Variants in ZPBP observed in about 807,000 individuals in gnomAD.
The protein encoded by ZPBP is zona pellucida binding protein, also known as zona pellucida-binding protein 1.
A neutral mutation model predicts 44.8 loss-of-function variants in ZPBP; 26 were observed. The observed-to-expected ratio is 0.58, with a 90% CI of 0.43 to 0.81. The LOEUF is 0.81. ZPBP is among the 30% of genes least tolerant of loss of function. The pLI, the probability that ZPBP is intolerant of heterozygous loss-of-function variation, is 0.00. For synonymous variants in ZPBP, 174 were observed against 153.2 expected, an observed-to-expected ratio of 1.14 and a Z score of -1.00; for missense variants, 409 against 434.0, an observed-to-expected ratio of 0.94 and a Z score of 0.51.
intron 7 of ZPBP, among the ~76,000 whole-genome samples, chr7:49,959,590 C>T (rs1795762736): frequency 6.6e-6 from 1 of 151,712 alleles, no homozygotes; most frequent in African/African-American, 2.4e-5. Context: ...ACAAAACATC[C>T]CAAAAACAAA....
chr7:49,845,521 TGA>T (rs2128714679), downstream of ZPBP, among the ~76,000 whole-genome samples: 1 of 152,238 alleles, frequency 6.6e-6, no homozygotes, highest in South Asian at 2.1e-4. Flanking sequence ...GGAATATATC[TGA>T]GAGAGAGAGG....
chr7:49,860,951 A>G (rs1005855772), intron 2 of ZPBP, among the ~76,000 whole-genome samples: 43 of 152,332 alleles, frequency 2.8e-4, no homozygotes, highest in African/African-American at 1.0e-3. Context: ...TGCCTTTAGA[A>G]CCATGAGAAA....
At chr7:49,942,201 C>CT (rs1481378093) in intron 7 of ZPBP, 79 of 90,104 alleles carry the variant, frequency 8.8e-4, no homozygotes, top group African/African-American at 2.4e-3. Flanking sequence ...ACAATGATTT[C>CT]TCTTTTTTTG....
intron 3 of ZPBP, among the ~76,000 whole-genome samples, chr7:50,063,197 T>C (rs1801334195): frequency 6.6e-6 from 1 of 152,236 alleles, no homozygotes; most frequent in African/African-American, 2.4e-5. Flanking sequence ...TAAGGCTCAC[T>C]AGCCACAGAA....
chr7:49,963,628 G>C (rs1484549425), intron 7 of ZPBP, among the ~76,000 whole-genome samples: 1 of 151,726 alleles, frequency 6.6e-6, no homozygotes, highest in Non-Finnish European at 1.5e-5. Context: ...TTAAATGTTA[G>C]TTTTGATACT....
At chr7:49,951,255 T>C (rs1262989257) in intron 7 of ZPBP, among the ~76,000 whole-genome samples, 2 of 151,670 alleles carry the variant, frequency 1.3e-5, no homozygotes, top group Non-Finnish European at 3.0e-5. Flanking sequence ...ATGGACAATA[T>C]TATGGATGTG....
intron 3 of ZPBP, among the ~76,000 whole-genome samples, chr7:50,080,650 ATGTTTC>A (rs1802310708): frequency 1.3e-5 from 2 of 151,002 alleles, no homozygotes; most frequent in African/African-American, 4.9e-5. Flanking sequence ...TTTAAAACAC[ATGTTTC>A]TATTACATTA....
intron 2 of ZPBP, among the ~76,000 whole-genome samples, chr7:49,863,941 GTTGTTTTAAAATATTTTTTCTTTATT>G (rs1271183352): frequency 3.3e-5 from 5 of 152,024 alleles, no homozygotes; most frequent in Non-Finnish European, 7.4e-5. Flanking sequence ...GTTTTCGTAT[GTTGTTTTAAAATATTTTTTCTTTATT>G]TTGTTTTAAA....
Position 50,093,099 on chromosome 7 carries a change from G to A in ZPBP, c.96C>T (p.Ile32=), listed in dbSNP as rs766586443. 5 of 1,598,766 alleles carry A rather than the reference G, an allele frequency of 3.1e-6. No individual in the cohort carries two copies. Among genetic ancestry groups the A allele is most frequent in the Non-Finnish European group, 4.3e-6 (5 of 1,172,890 alleles). Residue 32 remains isoleucine, a synonymous_variant, in exon 1 of 8, where the codon ATC becomes ATT. Coordinates refer to ENST00000046087, the MANE Select transcript of ZPBP (RefSeq NM_007009.3). Reference sequence around the variant, plus strand: ...AGGGCACCCGCACCAGGAAGGCGGAGATAAAGAGGAGGATGGCGGCCCGAG... The same window carrying A: ...AGGGCACCCGCACCAGGAAGGCGGAAATAAAGAGGAGGATGGCGGCCCGAG... The part of the protein sequence containing the change: ...LLSRAAILLF[I]SAFLVRVPSS...
intron 6 of ZPBP, among the ~76,000 whole-genome samples, chr7:49,997,485 T>A (rs1797899697): frequency 6.6e-6 from 1 of 152,202 alleles, no homozygotes; most frequent in Admixed American, 6.5e-5. Context: ...TATGGCCACC[T>A]CCCTCATTGG....
chr7:49,955,572 G>C (rs1231810428), intron 7 of ZPBP, among the ~76,000 whole-genome samples: 3 of 151,678 alleles, frequency 2.0e-5, no homozygotes, highest in Admixed American at 2.0e-4. Context: ...AAAAACTAAA[G>C]AAAGAAGAGC....
intron 2 of ZPBP, among the ~76,000 whole-genome samples, chr7:49,870,375 G>A (rs926229768): frequency 6.6e-6 from 1 of 152,160 alleles, no homozygotes; most frequent in Non-Finnish European, 1.5e-5. Context: ...ACTCCACCCT[G>A]GGTGACGCAG....
At chr7:50,007,082 C>A (rs892232999) in intron 6 of ZPBP, among the ~76,000 whole-genome samples, 3 of 151,718 alleles carry the variant, frequency 2.0e-5, no homozygotes, top group Non-Finnish European at 4.4e-5. Flanking sequence ...ATGTGAGAAC[C>A]AACCAAGAGA....
chr7:49,942,285 C>T, intron 7 of ZPBP: 1 of 222,178 alleles, frequency 4.5e-6, no homozygotes, highest in Non-Finnish European at 8.9e-6. Context: ...TGCTTCAGTC[C>T]CTCTGAGTCA....
At chr7:49,905,848 C>A (rs2128739288) in intron 1 of ZPBP, among the ~76,000 whole-genome samples, 1 of 152,308 alleles carries the variant, frequency 6.6e-6, no homozygotes, top group East Asian at 1.9e-4. Context: ...CCGGCTAAAA[C>A]CCACCAAAAC....
At chr7:50,018,121 T>G in intron 6 of ZPBP, 119 bp downstream of exon 6, 1 of 714,682 alleles carries the variant, frequency 1.4e-6, no homozygotes, top group Non-Finnish European at 2.4e-6. Context: ...TTATTTTTAT[T>G]GTTGAAATCC....
intron 6 of ZPBP, among the ~76,000 whole-genome samples, chr7:50,007,771 T>C (rs1798372771): frequency 6.6e-6 from 1 of 151,680 alleles, no homozygotes; most frequent in African/African-American, 2.4e-5. Flanking sequence ...AAGGAAAAAA[T>C]ATATATTTTT....
At chr7:50,066,932 A>C (rs757327927) in intron 3 of ZPBP, among the ~76,000 whole-genome samples, 9 of 152,142 alleles carry the variant, frequency 5.9e-5, no homozygotes, top group African/African-American at 2.2e-4. Context: ...GGGAGTCACT[A>C]CTGCCGCTGA....
intron 1 of ZPBP, among the ~76,000 whole-genome samples, chr7:50,092,463 T>C (rs1329842224): frequency 1.4e-4 from 21 of 152,236 alleles, no homozygotes; most frequent in Non-Finnish European, 2.6e-4. Flanking sequence ...TTTATCAATT[T>C]TGGGTCTAGA....
Sources: allele counts gnomAD v4.1 joint callset (sites outside exome capture counted in the v4.1 genomes callset), GRCh38; gene constraint gnomAD v4.1.1; transcripts MANE v1.5; gene names NCBI Gene and HGNC (gene_info 2026-07-23, HGNC 2026-07-21).